Variants in CACNA1C observed in about 807,000 individuals in gnomAD.
The protein encoded by CACNA1C is voltage-dependent L-type calcium channel subunit alpha-1C.
Under a neutral mutation model 229.0 loss-of-function variants are expected in CACNA1C, and 30 were observed. The ratio of observed to expected loss-of-function variants is 0.13; its 90% CI spans 0.10 to 0.18. The LOEUF is 0.18. CACNA1C is among the 10% of genes least tolerant of loss of function. CACNA1C has a pLI of 1.00. For missense variants in CACNA1C, 1,658 were observed against 2,845.0 expected (o/e 0.58, Z 9.49); for synonymous variants, 1,114 against 1,132.5 (o/e 0.98, Z 0.33).
At chr12:2,418,714 T>C (rs1400171782) in intron 3 of CACNA1C, among the ~76,000 whole-genome samples, 8 of 152,188 alleles carry the variant, frequency 5.3e-5, no homozygotes, top group Admixed American at 5.2e-4. Flanking sequence ...GGACTCACCT[T>C]TGCCTGCAGG....
intron 9 of CACNA1C, among the ~76,000 whole-genome samples, chr12:2,524,575 G>A (rs1182101326): frequency 2.0e-5 from 3 of 152,226 alleles, no homozygotes; most frequent in African/African-American, 7.2e-5. Flanking sequence ...TTCACCCCAC[G>A]GTGGAGTGTG....
intron 3 of CACNA1C, among the ~76,000 whole-genome samples, chr12:2,371,604 G>A (rs1467778437): frequency 6.6e-6 from 1 of 151,778 alleles, no homozygotes; most frequent in Non-Finnish European, 1.5e-5. Flanking sequence ...ATCACACTTT[G>A]AGAACCATCT....
chr12:2,669,688 A>G (rs909844875), intron 38 of CACNA1C, among the ~76,000 whole-genome samples: 1 of 152,322 alleles, frequency 6.6e-6, no homozygotes, highest in Middle Eastern at 3.4e-3. Flanking sequence ...AAGGGGACAC[A>G]GTGACAAGTG....
At chr12:2,657,235 A>G (rs542687672) in intron 34 of CACNA1C, among the ~76,000 whole-genome samples, 4 of 152,366 alleles carry the variant, frequency 2.6e-5, no homozygotes, top group African/African-American at 9.6e-5. Context: ...TAAAGTTTAT[A>G]TAAAGTCTAG....
intron 3 of CACNA1C, among the ~76,000 whole-genome samples, chr12:2,445,025 C>T (rs370598276): frequency 6.6e-6 from 1 of 152,158 alleles, no homozygotes; most frequent in African/African-American, 2.4e-5. Flanking sequence ...TTGCTCCTGC[C>T]GGGCCCTCCA....
In CACNA1C at chr12:2,053,834, G is replaced by C. The variant is rs927203851; in HGVS notation, c.49+223G>C. 2.0e-5 allele frequency among the ~76,000 whole-genome samples: 3 copies of C among 149,864 alleles called. No homozygotes were observed. Among genetic ancestry groups the C allele is most frequent in the Non-Finnish European group, 4.5e-5 (3 of 67,284 alleles). ...GGAAAATTCCCGCCCCTCCCCCTCCGGGCCCCAGCTTCTCCAGAGCATGTG... is the reference window on the plus strand; with the variant it reads ...GGAAAATTCCCGCCCCTCCCCCTCCCGGCCCCAGCTTCTCCAGAGCATGTG... On this transcript the variant is annotated intron_variant, in intron 1 of 46. Transcript: ENST00000399655. The surrounding 1 kb of genome is among the most constrained non-coding windows in gnomAD (Gnocchi z 5.8).
At chr12:2,409,426 G>A (rs1049332749) in intron 3 of CACNA1C, among the ~76,000 whole-genome samples, 7 of 152,190 alleles carry the variant, frequency 4.6e-5, no homozygotes, top group East Asian at 1.9e-4. Context: ...CAAGAGCACC[G>A]TCAGACCAGG....
Position 2,152,989 on chromosome 12 carries a change from AC to A in CACNA1C, c.477+32560del, listed in dbSNP as rs1440989386. Among the ~76,000 whole-genome samples, 2 of 152,250 alleles carry A rather than the reference AC, an allele frequency of 1.3e-5. No homozygotes were observed. The highest frequency in any genetic ancestry group is 2.9e-5 in the Non-Finnish European group (2 of 68,046). On this transcript the variant is annotated intron_variant, in intron 3 of 46. Coordinates refer to ENST00000399655, the MANE Select transcript of CACNA1C (RefSeq NM_000719.7). This position sits in a 1 kb window ranked among gnomAD's most constrained non-coding sequence, Gnocchi z 4.2. The stretch of plus-strand genomic sequence containing the variant: ...GAGGTGAAAGCTCAAGGAGGTAGTT[AC>A]AAAGCAAAGGAAAACAAACAGTTTT...
At chr12:2,142,048 T>C (rs186913728) in intron 3 of CACNA1C, among the ~76,000 whole-genome samples, 1 of 151,162 alleles carries the variant, frequency 6.6e-6, no homozygotes, top group Admixed American at 6.7e-5. Flanking sequence ...GAGGCAGCAC[T>C]GAATGGGGAA....
chr12:2,600,667 A>G (rs1439402065), intron 21 of CACNA1C, among the ~76,000 whole-genome samples: 2 of 152,264 alleles, frequency 1.3e-5, no homozygotes, highest in Non-Finnish European at 2.9e-5. Flanking sequence ...GCTTTACACC[A>G]GGCTCAGAGG....
At chr12:2,151,273 TA>T (rs1487927640) in intron 3 of CACNA1C, among the ~76,000 whole-genome samples, 2 of 151,930 alleles carry the variant, frequency 1.3e-5, no homozygotes, top group African/African-American at 4.8e-5. Context: ...TTTTTTTTTT[TA>T]TTTTTTGCCC....
At chr12:2,664,758 G>C in intron 34 of CACNA1C, 67 bp from the exon 35 acceptor site, 2 of 1,352,536 alleles carry the variant, frequency 1.5e-6, no homozygotes, top group South Asian at 2.9e-5. Flanking sequence ...GGTGGGGAGG[G>C]ATGCAGAGGG....
chr12:2,332,900 G>T (rs953592863), intron 3 of CACNA1C, among the ~76,000 whole-genome samples: 5 of 152,160 alleles, frequency 3.3e-5, no homozygotes, highest in Non-Finnish European at 5.9e-5. Flanking sequence ...TATTTTTTTA[G>T]TAATATCACA....
At chr12:2,371,779 T>C (rs2097874351) in intron 3 of CACNA1C, among the ~76,000 whole-genome samples, 1 of 150,628 alleles carries the variant, frequency 6.6e-6, no homozygotes, top group African/African-American at 2.4e-5. Context: ...GTGTTGAAAC[T>C]TGTGGAATTA....
intron 3 of CACNA1C, among the ~76,000 whole-genome samples, chr12:2,376,607 T>C (rs1024126908): frequency 2.6e-5 from 4 of 152,286 alleles, no homozygotes; most frequent in East Asian, 1.9e-4. Flanking sequence ...AGGATTGTCC[T>C]ACCTTTCTGT....
At chr12:2,271,197 TC>T (rs2084832468) in intron 3 of CACNA1C, among the ~76,000 whole-genome samples, 1 of 152,174 alleles carries the variant, frequency 6.6e-6, no homozygotes, top group Non-Finnish European at 1.5e-5. Flanking sequence ...GTTCATGGCT[TC>T]CAGGGCCAAT....
At chr12:2,086,910 A>T (rs1595480116) in intron 1 of CACNA1C, among the ~76,000 whole-genome samples, 1 of 152,190 alleles carries the variant, frequency 6.6e-6, no homozygotes. Context: ...GACCCCAGGA[A>T]GAAAAAGGGA....
At chr12:2,572,721 CTCCTCTTCCTCT>C (rs1189091105) in intron 13 of CACNA1C, among the ~76,000 whole-genome samples, 1 of 102,118 alleles carries the variant, frequency 9.8e-6, no homozygotes, top group African/African-American at 3.8e-5. Context: ...CCTCTTCCTC[CTCCTCTTCCTCT>C]TCCTGCTCCT....
chr12:2,581,910 A>G (rs546003769), intron 14 of CACNA1C, 113 bp downstream of exon 14: 23 of 617,746 alleles, frequency 3.7e-5, no homozygotes, highest in African/African-American at 3.0e-4. Context: ...ATCCTAGATC[A>G]GCCCTGGAGA....
Sources: gnomAD v4.1 joint callset for allele counts (sites outside exome capture counted in the v4.1 genomes callset) on GRCh38, gnomAD v4.1.1 for gene constraint, Gnocchi (gnomAD v3.1) non-coding constraint, MANE v1.5 for transcripts, NCBI Gene and HGNC (gene_info 2026-07-23, HGNC 2026-07-21) for gene names.